Variants in ROBO2 observed in about 807,000 individuals in gnomAD.
The protein encoded by ROBO2 is roundabout guidance receptor 2.
In ROBO2, 53 loss-of-function variants were observed where a neutral mutation model predicts 160.8. That is an observed-to-expected ratio of 0.33 (90% confidence interval 0.26 to 0.41). The LOEUF (loss-of-function observed/expected upper bound fraction) is 0.41, where lower values mean the gene tolerates loss of function less well. ROBO2 is among the 10% of genes least tolerant of loss of function. The probability of loss-of-function intolerance (pLI) is 1.00; values close to 1 mark genes in which losing one functional copy is unlikely to be tolerated. For synonymous variants in ROBO2, 664 were observed against 611.7 expected (o/e 1.09, Z -1.26); for missense variants, 1,577 against 1,722.4 (o/e 0.92, Z 1.49).
At chr3:77,215,040 A>G (rs1350828146) in intron 2 of ROBO2, among the ~76,000 whole-genome samples, 2 of 152,096 alleles carry the variant, frequency 1.3e-5, no homozygotes. Context: ...ACTTTGGTGA[A>G]TCTGACAATT....
At chr3:77,289,506 G>A (rs1239629320) in intron 2 of ROBO2, among the ~76,000 whole-genome samples, 5 of 151,240 alleles carry the variant, frequency 3.3e-5, no homozygotes, top group Admixed American at 2.6e-4. Context: ...TAAAATTGAC[G>A]GTTCAATGGG....
At chr3:76,134,395 T>C (rs553480352) in intron 2 of ROBO2, among the ~76,000 whole-genome samples, 7 of 152,248 alleles carry the variant, frequency 4.6e-5, no homozygotes, top group African/African-American at 1.4e-4. Flanking sequence ...TAAGTGGACT[T>C]ACGAGTGTTT....
intron 2 of ROBO2, among the ~76,000 whole-genome samples, chr3:77,281,996 C>T (rs1030811022): frequency 7.9e-5 from 12 of 152,152 alleles, no homozygotes; most frequent in Non-Finnish European, 1.5e-5. Flanking sequence ...GTCCCTGGCC[C>T]CGGGGCTGTG....
intron 2 of ROBO2, among the ~76,000 whole-genome samples, chr3:76,874,689 A>C (rs1156357694): frequency 6.7e-6 from 1 of 150,226 alleles, no homozygotes; most frequent in Non-Finnish European, 1.5e-5. Flanking sequence ...ATTAAAATAT[A>C]GACAGAAGAT....
chr3:76,005,007 G>A (rs1009385771), intron 2 of ROBO2, among the ~76,000 whole-genome samples: 1 of 152,154 alleles, frequency 6.6e-6, no homozygotes, highest in African/African-American at 2.4e-5. Context: ...AGATTCAGCT[G>A]ATTTAAAATA....
chr3:76,117,318 CTGAAGGAACTGATTAAAT>C (rs1443818739), intron 2 of ROBO2, among the ~76,000 whole-genome samples: 1 of 152,118 alleles, frequency 6.6e-6, no homozygotes, highest in Non-Finnish European at 1.5e-5. Flanking sequence ...AACAGTGAAG[CTGAAGGAACTGATTAAAT>C]TGACCTCTTT....
In ROBO2 at chr3:77,247,945, G is replaced by A. The variant is rs2089919152; in HGVS notation, c.388+149605G>A. 2.0e-5 allele frequency among the ~76,000 whole-genome samples: 3 copies of A among 152,212 alleles called. No homozygotes were observed. The South Asian group carries it at 6.2e-4, about 32-fold the overall frequency. ...GAAAAGCCTGGAACCATGGCCAAAA[G>A]TAAGAGCTTGCATCCCTGTTTTCCT... is the stretch of plus-strand genomic sequence containing the variant. On this transcript the variant is annotated intron_variant, in intron 2 of 25. Transcript: ENST00000461745.
intron 2 of ROBO2, among the ~76,000 whole-genome samples, chr3:77,164,986 G>C (rs2078924672): frequency 6.7e-6 from 1 of 148,736 alleles, no homozygotes; most frequent in South Asian, 2.1e-4. Flanking sequence ...GGGAGGTGAG[G>C]GGCGCCTCTG....
intron 2 of ROBO2, among the ~76,000 whole-genome samples, chr3:76,371,379 A>G (rs927876816): frequency 6.6e-6 from 1 of 151,958 alleles, no homozygotes; most frequent in Non-Finnish European, 1.5e-5. Flanking sequence ...CACATACTGT[A>G]TTGACTGCAC....
chr3:77,400,855 T>C (rs906674368), intron 2 of ROBO2, among the ~76,000 whole-genome samples: 2 of 151,722 alleles, frequency 1.3e-5, no homozygotes, highest in Non-Finnish European at 3.0e-5. Context: ...ACCTAGTGAG[T>C]GGCAAAGTTT....
intron 2 of ROBO2, among the ~76,000 whole-genome samples, chr3:76,298,450 A>G (rs1211441988): frequency 1.3e-5 from 2 of 152,188 alleles, no homozygotes; most frequent in African/African-American, 4.8e-5. Context: ...TTTTGAATTC[A>G]GGATGAGGGA....
intron 2 of ROBO2, among the ~76,000 whole-genome samples, chr3:75,949,935 C>T (rs1948472953): frequency 6.6e-6 from 1 of 151,968 alleles, no homozygotes; most frequent in Non-Finnish European, 1.5e-5. Context: ...AAACAAATGG[C>T]TTGTCCTTGA....
chr3:76,148,563 A>G (rs1361692832), intron 2 of ROBO2, among the ~76,000 whole-genome samples: 4 of 152,148 alleles, frequency 2.6e-5, no homozygotes, highest in Non-Finnish European at 5.9e-5. Flanking sequence ...GGCCTATCCC[A>G]ATCAGACTCC....
intron 2 of ROBO2, among the ~76,000 whole-genome samples, chr3:76,242,146 A>G (rs1705325800): frequency 6.6e-6 from 1 of 152,034 alleles, no homozygotes; most frequent in Admixed American, 6.6e-5. Context: ...TGGTTAATGC[A>G]TTTCCTTATT....
intron 2 of ROBO2, among the ~76,000 whole-genome samples, chr3:76,415,956 G>A (rs1490124945): frequency 1.3e-5 from 2 of 152,010 alleles, no homozygotes; most frequent in Admixed American, 1.3e-4. Flanking sequence ...CATGGTTTGG[G>A]AGCTAATGTT....
intron 1 of ROBO2, among the ~76,000 whole-genome samples, chr3:75,924,371 C>T (rs1418266032): frequency 1.3e-5 from 2 of 152,040 alleles, no homozygotes; most frequent in Non-Finnish European, 2.9e-5. Context: ...AAGTGATGTG[C>T]TGTGTGGATG....
intron 2 of ROBO2, among the ~76,000 whole-genome samples, chr3:77,290,109 T>C (rs558430378): frequency 1.4e-4 from 22 of 151,810 alleles, no homozygotes; most frequent in Non-Finnish European, 2.9e-4. Flanking sequence ...AAGCTGAGGC[T>C]AGATCACCAA....
chr3:76,637,344 C>G (rs868510350), intron 2 of ROBO2, among the ~76,000 whole-genome samples: 1 of 151,820 alleles, frequency 6.6e-6, no homozygotes, highest in Non-Finnish European at 1.5e-5. Flanking sequence ...TAGGTACTTA[C>G]ATTTTCTGAG....
At chr3:77,383,701 A>G (rs1461667159) in intron 2 of ROBO2, among the ~76,000 whole-genome samples, 2 of 152,128 alleles carry the variant, frequency 1.3e-5, no homozygotes, top group Admixed American at 6.5e-5. Context: ...ACACTTTGCC[A>G]TGGAGGAAAA....
Sources: allele counts gnomAD v4.1 joint callset (sites outside exome capture counted in the v4.1 genomes callset), GRCh38; gene constraint gnomAD v4.1.1; transcripts MANE v1.5; gene names NCBI Gene and HGNC (gene_info 2026-07-23, HGNC 2026-07-21).